ADAM32: variants seen among roughly 807,000 people sequenced by gnomAD.
The protein encoded by ADAM32 is disintegrin and metalloproteinase domain-containing protein 32.
ADAM32 carries 89 observed loss-of-function variants against 114.9 expected under a neutral mutation model. That is an observed-to-expected ratio of 0.77 (90% CI 0.65 to 0.92). The LOEUF is 0.92. ADAM32 is among the 40% of genes least tolerant of loss of function. The pLI is 0.00. For missense variants in ADAM32, 870 were observed against 932.8 expected, an observed-to-expected ratio of 0.93 and a Z score of 0.88; for synonymous variants, 285 against 307.5, an observed-to-expected ratio of 0.93 and a Z score of 0.77.
intron 11 of ADAM32, among the ~76,000 whole-genome samples, chr8:39,205,565 C>T (rs938404095): frequency 1.3e-5 from 2 of 152,218 alleles, no homozygotes; most frequent in African/African-American, 2.4e-5. Flanking sequence ...ACCCCTTGCA[C>T]TTCCTAGGTG....
intron 11 of ADAM32, among the ~76,000 whole-genome samples, chr8:39,194,888 C>A (rs1407435717): frequency 6.6e-6 from 1 of 152,206 alleles, no homozygotes; most frequent in African/African-American, 2.4e-5. Flanking sequence ...CCTCTGGGCT[C>A]TACACCGGTT....
intron 14 of ADAM32, 33 bp from the exon 15 acceptor site, chr8:39,231,994 A>G (rs777034396): frequency 2.0e-6 from 3 of 1,522,938 alleles, no homozygotes; most frequent in East Asian, 4.5e-5. Context: ...ACCAATAAAC[A>G]TTTTAATCCA....
At chr8:39,245,864 T>C (rs897356242) in intron 16 of ADAM32, among the ~76,000 whole-genome samples, 7 of 152,202 alleles carry the variant, frequency 4.6e-5, no homozygotes, top group Non-Finnish European at 1.0e-4. Flanking sequence ...TGAAGAAACA[T>C]AGTAATAATA....
chr8:39,259,247 T>C (rs1435117323), intron 19 of ADAM32, among the ~76,000 whole-genome samples: 1 of 152,010 alleles, frequency 6.6e-6, no homozygotes, highest in African/African-American at 2.4e-5. Flanking sequence ...TTGCCCAGGC[T>C]GGAGTGCAGA....
Position 39,186,998 on chromosome 8 carries a change from G to T in ADAM32, c.1005G>T (p.Lys335Asn). 6.2e-7 allele frequency: 1 copy of T among 1,613,214 alleles called. No individual in the cohort carries two copies. Among genetic ancestry groups the T allele is most frequent in the Non-Finnish European group, 8.5e-7 (1 of 1,179,480 alleles). ...TGGGAATATCATATGACGACCCAAA[G>T]AAATGTCAATGTTCAGAATCCACCT... ...LSLGISYDDPKKCQCSESTCI... is the reference protein window; with the variant it reads ...LSLGISYDDPNKCQCSESTCI... Residue 335 changes from lysine to asparagine, a missense_variant, in exon 11 of 25, where the codon AAG becomes AAT. Physicochemically the swap from Lys to Asn is moderately conservative, Grantham distance 94. Coordinates refer to ENST00000379907, the MANE Select transcript of ADAM32 (RefSeq NM_145004.7).
chr8:39,270,472 T>A (rs1021500830), intron 19 of ADAM32, among the ~76,000 whole-genome samples: 1 of 152,196 alleles, frequency 6.6e-6, no homozygotes, highest in African/African-American at 2.4e-5. Flanking sequence ...GCCTGAGGCT[T>A]CAGCTCCTTC....
intron 21 of ADAM32, among the ~76,000 whole-genome samples, chr8:39,275,399 G>A (rs904376796): frequency 6.6e-6 from 1 of 152,078 alleles, no homozygotes; most frequent in Non-Finnish European, 1.5e-5. Flanking sequence ...ATTTCTCTGT[G>A]TGTGGTATAG....
intron 18 of ADAM32, among the ~76,000 whole-genome samples, chr8:39,255,692 T>G (rs1811611211): frequency 6.6e-6 from 1 of 152,128 alleles, no homozygotes; most frequent in South Asian, 2.1e-4. Context: ...TTTACTCTGC[T>G]GATTATATCT....
intron 16 of ADAM32, among the ~76,000 whole-genome samples, chr8:39,237,135 G>A (rs760533739): frequency 3.9e-5 from 6 of 152,194 alleles, no homozygotes; most frequent in Non-Finnish European, 8.8e-5. Flanking sequence ...ACCTAGAGCT[G>A]AAATGAATTT....
At chr8:39,107,903 C>T (rs374028094) in intron 1 of ADAM32, 70 bp downstream of exon 1, 22 of 1,453,202 alleles carry the variant, frequency 1.5e-5, no homozygotes, top group East Asian at 1.3e-4. Flanking sequence ...CTGCAAAGCC[C>T]GGGGCCCTCC....
intron 2 of ADAM32, among the ~76,000 whole-genome samples, chr8:39,129,370 G>A (rs749497208): frequency 2.0e-5 from 3 of 152,016 alleles, no homozygotes; most frequent in Non-Finnish European, 4.4e-5. Flanking sequence ...ATCATGTTCA[G>A]GAGGTTCCCT....
At chr8:39,149,698 A>G in intron 4 of ADAM32, 93 bp from the exon 5 acceptor site, 1 of 906,572 alleles carries the variant, frequency 1.1e-6, no homozygotes, top group Non-Finnish European at 1.7e-6. Context: ...CCTGTGAAAA[A>G]TATTCAGAAG....
chr8:39,155,583 T>C (rs995731416), intron 6 of ADAM32, among the ~76,000 whole-genome samples: 6 of 152,150 alleles, frequency 3.9e-5, no homozygotes, highest in African/African-American at 1.2e-4. Flanking sequence ...GATGACACAA[T>C]AAATATAAAG....
intron 1 of ADAM32, among the ~76,000 whole-genome samples, chr8:39,113,291 ATGAG>A (rs1840241068): frequency 6.6e-6 from 1 of 152,190 alleles, no homozygotes; most frequent in Non-Finnish European, 1.5e-5. Flanking sequence ...GAGTAACATT[ATGAG>A]TGTCAGTGCA....
intron 2 of ADAM32, among the ~76,000 whole-genome samples, chr8:39,120,245 G>A (rs76014605): frequency 2.0e-5 from 3 of 152,212 alleles, no homozygotes; most frequent in African/African-American, 7.2e-5. Flanking sequence ...AAATGTTGAA[G>A]TGGATTTGGA....
At chr8:39,272,143 A>G (rs10808920) in intron 20 of ADAM32, among the ~76,000 whole-genome samples, 38,496 of 148,932 alleles carry the variant, frequency 0.26, 5,263 homozygotes, top group African/African-American at 0.3. Context: ...AGCAAAAGAA[A>G]TAAAAGAAAC....
chr8:39,246,631 C>A (rs1308763406), intron 17 of ADAM32, among the ~76,000 whole-genome samples: 1 of 152,184 alleles, frequency 6.6e-6, no homozygotes, highest in Non-Finnish European at 1.5e-5. Flanking sequence ...TACAGAGGCA[C>A]AATCTTTCCC....
intron 12 of ADAM32, among the ~76,000 whole-genome samples, chr8:39,216,780 C>G (rs941367300): frequency 6.6e-6 from 1 of 151,360 alleles, no homozygotes; most frequent in Non-Finnish European, 1.5e-5. Context: ...TTTGTTTTTT[C>G]TATTTATATA....
chr8:39,252,655 A>C (rs1458504883), intron 17 of ADAM32, among the ~76,000 whole-genome samples: 2 of 151,560 alleles, frequency 1.3e-5, no homozygotes, highest in Non-Finnish European at 3.0e-5. Flanking sequence ...TTTTGAAAAG[A>C]TTAAAAAAAG....
Sources: gnomAD v4.1 joint callset for allele counts (sites outside exome capture counted in the v4.1 genomes callset) on GRCh38, gnomAD v4.1.1 for gene constraint, MANE v1.5 for transcripts, NCBI Gene and HGNC (gene_info 2026-07-23, HGNC 2026-07-21) for gene names.